Variants in TMTC2 observed in about 807,000 individuals in gnomAD.
The protein encoded by TMTC2 is protein O-mannosyl-transferase TMTC2.
In TMTC2, 43 loss-of-function variants were observed where a neutral mutation model predicts 82.4. The observed-to-expected ratio is 0.52, with a 90% CI of 0.41 to 0.67. The LOEUF is 0.67. Among genes scored for constraint, TMTC2 ranks in the 30% least tolerant of loss-of-function variants. TMTC2 has a pLI of 0.00. For synonymous variants in TMTC2, 408 were observed against 381.9 expected (o/e 1.07, Z -0.80); for missense variants, 919 against 1,012.4 (o/e 0.91, Z 1.25).
intron 2 of TMTC2, among the ~76,000 whole-genome samples, chr12:82,868,141 CT>C (rs1167253817): frequency 6.6e-6 from 1 of 152,162 alleles, no homozygotes; most frequent in Non-Finnish European, 1.5e-5. Flanking sequence ...ACGTCCCTGT[CT>C]TATAGCAGGT....
chr12:82,778,620 C>T (rs370338835), intron 1 of TMTC2, among the ~76,000 whole-genome samples: 7 of 152,078 alleles, frequency 4.6e-5, no homozygotes, highest in Middle Eastern at 3.4e-3. Flanking sequence ...GAGGCCGAGG[C>T]GGGCGGATCA....
intron 4 of TMTC2, among the ~76,000 whole-genome samples, chr12:82,951,323 G>T (rs534406728): frequency 6.6e-6 from 1 of 150,986 alleles, no homozygotes; most frequent in African/African-American, 2.4e-5. Context: ...ATGGAGTCTC[G>T]CTCTGTCGCT....
chr12:82,714,269 G>A lies in TMTC2; in HGVS notation c.83+26600G>A, dbSNP rs182101173. Among the ~76,000 whole-genome samples the A allele has an allele frequency of 2.4e-4, 36 of 152,234 alleles. No homozygotes were observed. The East Asian group carries it at 6.4e-3, about 27-fold the overall frequency. On this transcript the variant is annotated intron_variant, in intron 1 of 11. Transcript: ENST00000321196. ...CCACTTGGTAAATTTACTAAAAATC[G>A]TTGAATTGTGTACTTGAAACCGATA...
intron 4 of TMTC2, among the ~76,000 whole-genome samples, chr12:82,960,839 G>A (rs1248032845): frequency 2.0e-5 from 3 of 151,114 alleles, no homozygotes; most frequent in Non-Finnish European, 4.4e-5. Context: ...TAAAAAAAAT[G>A]TATAATGTGT....
At chr12:83,004,805 A>T (rs1880094205) in intron 8 of TMTC2, among the ~76,000 whole-genome samples, 1 of 117,612 alleles carries the variant, frequency 8.5e-6, no homozygotes, top group Non-Finnish European at 1.6e-5. Context: ...GTTCCAATCC[A>T]GTAGATGGTG....
At chr12:83,067,625 G>T (rs1308261154) in intron 11 of TMTC2, among the ~76,000 whole-genome samples, 1 of 151,946 alleles carries the variant, frequency 6.6e-6, no homozygotes, top group Non-Finnish European at 1.5e-5. Context: ...ATCCTGTGGG[G>T]GAAGAAAGGA....
intron 2 of TMTC2, among the ~76,000 whole-genome samples, chr12:82,879,441 C>T (rs1240042562): frequency 6.6e-6 from 1 of 152,170 alleles, no homozygotes; most frequent in Non-Finnish European, 1.5e-5. Context: ...CAATAGGGTT[C>T]CAGCTCCTGT....
intron 4 of TMTC2, among the ~76,000 whole-genome samples, chr12:82,957,727 A>G (rs1045603121): frequency 8.5e-5 from 13 of 152,132 alleles, no homozygotes; most frequent in Admixed American, 6.5e-5. Context: ...TATTATGAAC[A>G]CTTCTATGCA....
intron 1 of TMTC2, among the ~76,000 whole-genome samples, chr12:82,761,900 CTTTCTT>C (rs998034191): frequency 1.3e-5 from 2 of 150,584 alleles, no homozygotes; most frequent in African/African-American, 4.9e-5. Flanking sequence ...CTCTTTCTTT[CTTTCTT>C]TTTCTTTTTC....
chr12:82,919,570 G>C (rs1312732847), intron 3 of TMTC2, among the ~76,000 whole-genome samples: 1 of 152,126 alleles, frequency 6.6e-6, no homozygotes, highest in Non-Finnish European at 1.5e-5. Context: ...GATCTGTATA[G>C]AGGCAAATTC....
chr12:83,030,712 G>T, intron 8 of TMTC2, 86 bp from the exon 9 acceptor site: 2 of 1,016,252 alleles, frequency 2.0e-6, no homozygotes, highest in Non-Finnish European at 3.0e-6. Flanking sequence ...TTACCAAGTA[G>T]ACATTTGGCT....
intron 11 of TMTC2, among the ~76,000 whole-genome samples, chr12:83,070,435 A>T (rs1283578307): frequency 1.3e-4 from 19 of 144,538 alleles, no homozygotes; most frequent in South Asian, 6.5e-4. Context: ...GTATTTTATT[A>T]TTTTTTTTTT....
chr12:82,872,011 C>A lies in TMTC2; in HGVS notation c.654+14431C>A, dbSNP rs1464058827. 4.4e-5 allele frequency among the ~76,000 whole-genome samples: 6 copies of A among 136,904 alleles called. 2 individuals are homozygous for A. The highest frequency in any genetic ancestry group is 2.6e-4 in the South Asian group (1 of 3,832). The allele number at this position is 136,904 out of a possible 152,430, so 89.8% of individuals were successfully genotyped here. A position where few individuals can be genotyped will look rare whatever the true frequency, so the allele number is the denominator to read the frequency against. On this transcript the variant is annotated intron_variant, in intron 2 of 11. Coordinates refer to ENST00000321196, the MANE Select transcript of TMTC2 (RefSeq NM_152588.3). ...TACAAAAAAGTTGAACAACACCCCC[C>A]CCCCCGCCCACACCCCGCAGTTGCC...
intron 7 of TMTC2, among the ~76,000 whole-genome samples, chr12:82,983,877 T>C (rs1284315437): frequency 6.6e-6 from 1 of 152,034 alleles, no homozygotes; most frequent in Admixed American, 6.6e-5. Flanking sequence ...TTTTCTGTTA[T>C]ATAAATTATA....
intron 11 of TMTC2, among the ~76,000 whole-genome samples, chr12:83,068,369 G>C (rs1265949910): frequency 1.3e-5 from 2 of 152,074 alleles, no homozygotes; most frequent in Admixed American, 6.6e-5. Flanking sequence ...ATAAAACCAA[G>C]TTTAATGGGA....
intron 1 of TMTC2, among the ~76,000 whole-genome samples, chr12:82,717,235 T>A (rs74332382): frequency 1.8e-4 from 27 of 148,274 alleles, no homozygotes; most frequent in African/African-American, 5.0e-5. Flanking sequence ...TTTTTTTTTT[T>A]ATCCTGGAGA....
chr12:82,707,413 C>G (rs1461798918), intron 1 of TMTC2, among the ~76,000 whole-genome samples: 1 of 152,224 alleles, frequency 6.6e-6, no homozygotes, highest in African/African-American at 2.4e-5. Flanking sequence ...ACATTGTGTT[C>G]TTGTCATTAG....
chr12:82,791,468 G>A (rs1282342663), intron 1 of TMTC2, among the ~76,000 whole-genome samples: 1 of 152,080 alleles, frequency 6.6e-6, no homozygotes, highest in African/African-American at 2.4e-5. Context: ...ACTAACACAA[G>A]TGAGAGCTAG....
chr12:83,040,600 G>A (rs1379722720), intron 9 of TMTC2, among the ~76,000 whole-genome samples: 6 of 59,628 alleles, frequency 1.0e-4, no homozygotes, highest in African/African-American at 2.2e-4. Flanking sequence ...AACCAGAGTG[G>A]CCTTGCTGCA....
Sources: allele counts gnomAD v4.1 joint callset (sites outside exome capture counted in the v4.1 genomes callset), GRCh38; gene constraint gnomAD v4.1.1; transcripts MANE v1.5; gene names NCBI Gene and HGNC (gene_info 2026-07-23, HGNC 2026-07-21).